The following PXMP4 variants were observed in gnomAD, a reference collection of about 807,000 sequenced individuals.
PXMP4 encodes the protein 24 kDa peroxisomal intrinsic membrane protein.
Under a neutral mutation model 21.6 loss-of-function variants are expected in PXMP4, and 16 were observed. The ratio of observed to expected loss-of-function variants is 0.74; its 90% confidence interval spans 0.50 to 1.13. PXMP4 has a LOEUF of 1.13. Ranked by LOEUF, PXMP4 falls within the 50% of genes most tolerant of loss-of-function variation. The pLI, the probability that PXMP4 is intolerant of heterozygous loss-of-function variation, is 0.00. For synonymous variants in PXMP4, 127 were observed against 123.8 expected (o/e 1.03, Z -0.17); for missense variants, 240 against 277.7 (o/e 0.86, Z 0.96).
intron 1 of PXMP4, among the ~76,000 whole-genome samples, chr20:33,715,305 T>C (rs1180222153): frequency 6.6e-6 from 1 of 151,910 alleles, no homozygotes; most frequent in Non-Finnish European, 1.5e-5. Context: ...CATGCCAGGC[T>C]AATTTTTGTA....
chr20:33,702,773 A>T lies in PXMP4; in HGVS notation c.*4933T>A, dbSNP rs1417107213. 6.6e-6 allele frequency: 1 copy of T among 151,410 alleles called. No homozygotes were observed. Among genetic ancestry groups the T allele is most frequent in the Admixed American group, 6.6e-5 (1 of 15,214 alleles). 9.4% of individuals were successfully genotyped at this position (151,410 alleles called of 1,614,324 possible). A position where few individuals can be genotyped will look rare whatever the true frequency, so the allele number is the denominator to read the frequency against. On this transcript the variant is annotated 3_prime_UTR_variant, in exon 4 of 4. Transcript: ENST00000409299. The stretch of plus-strand genomic sequence containing the variant: ...CACATATATATTTATTTATTTATTT[A>T]TTTATTTTAGTCTTACATGTCAAAA...
intron 1 of PXMP4, among the ~76,000 whole-genome samples, chr20:33,719,597 T>C (rs1468255263): frequency 6.6e-6 from 1 of 152,168 alleles, no homozygotes; most frequent in Non-Finnish European, 1.5e-5. Context: ...CATTGTCACG[T>C]CCCAGGAGCC....
Position 33,707,467 on chromosome 20 carries a change from C to A in PXMP4, c.*239G>T. On this transcript the variant is annotated 3_prime_UTR_variant, in exon 4 of 4. Transcript: ENST00000409299. Reference sequence around the variant, plus strand: ...AGTAGTGTGGCTGGCCCCAGTCTCACAGAAGTCAGCTGCACAGCTGGAACC... The same window carrying A: ...AGTAGTGTGGCTGGCCCCAGTCTCAAAGAAGTCAGCTGCACAGCTGGAACC... 1 of 540,006 alleles carries A rather than the reference C, an allele frequency of 1.9e-6. No individual in the cohort carries two copies. The highest frequency in any genetic ancestry group is 2.2e-5 in the South Asian group (1 of 44,854). The allele number at this position is 540,006 out of a possible 1,614,324, so 33.5% of individuals were successfully genotyped here.
At chr20:33,711,443 C>T (rs1003631422) in intron 2 of PXMP4, among the ~76,000 whole-genome samples, 1 of 152,064 alleles carries the variant, frequency 6.6e-6, no homozygotes, top group African/African-American at 2.4e-5. Context: ...GAGAAGCCAC[C>T]GTGGCCATGG....
intron 3 of PXMP4, among the ~76,000 whole-genome samples, chr20:33,710,016 C>T (rs967299524): frequency 1.4e-5 from 2 of 145,932 alleles, no homozygotes; most frequent in African/African-American, 2.6e-5. Flanking sequence ...CTGACCCACA[C>T]CCCTTCCCCC....
At position 33,710,646 on chromosome 20, in the gene PXMP4, A is replaced by G; in HGVS notation, c.284T>C (p.Ile95Thr). The change falls in exon 3 of 4, where the codon ATA becomes ACA. Residue 95 changes from isoleucine to threonine, a missense_variant. By Grantham distance (89) the Ile-to-Thr change is moderately conservative. Coordinates refer to ENST00000409299, the MANE Select transcript of PXMP4 (RefSeq NM_007238.5). ...YKGLRALQSY[I>T]QGKTYPAHAF... ...GTGTGCTGGGTAGGTCTTGCCTTGT[A>G]TGTAGGACTGCAGGGCACGGAGACC... 6.2e-7 allele frequency: 1 copy of G among 1,613,934 alleles called. No individual in the cohort carries two copies. The highest frequency in any genetic ancestry group is 8.5e-7 in the Non-Finnish European group (1 of 1,179,950).
intron 1 of PXMP4, among the ~76,000 whole-genome samples, chr20:33,718,754 T>G (rs1410340441): frequency 2.6e-5 from 4 of 152,114 alleles, no homozygotes; most frequent in African/African-American, 9.7e-5. Context: ...CTACAGCCTT[T>G]TCATCTGGAA....
chr20:33,717,729 C>A (rs957414284), intron 1 of PXMP4, among the ~76,000 whole-genome samples: 1 of 151,826 alleles, frequency 6.6e-6, no homozygotes, highest in Admixed American at 6.6e-5. Flanking sequence ...CCTCTTCCCC[C>A]ACCCTTCCTT....
rs1388780017 is a variant in PXMP4, at chr20:33,720,240, A to C, written c.-33T>G. 1.2e-5 allele frequency: 19 copies of C among 1,574,002 alleles called. No homozygotes were observed. Among genetic ancestry groups the C allele is most frequent in the Non-Finnish European group, 1.6e-5 (18 of 1,156,298 alleles). On this transcript the variant is annotated 5_prime_UTR_variant, in exon 1 of 4. Transcript: ENST00000409299. The stretch of plus-strand genomic sequence containing the variant: ...GCTGCGCGCAGGGTCGGGGTTAGGA[A>C]CTGTAAGCGCACTGACAGCCGGAGG...
At chr20:33,708,214 GCT>G (rs1449635712) in intron 3 of PXMP4, among the ~76,000 whole-genome samples, 3 of 149,614 alleles carry the variant, frequency 2.0e-5, no homozygotes, top group African/African-American at 7.4e-5. Context: ...ACAGAATCTG[GCT>G]CTGTCGGCTA....
chr20:33,716,611 A>C (rs1256652903), intron 1 of PXMP4, among the ~76,000 whole-genome samples: 2 of 152,212 alleles, frequency 1.3e-5, no homozygotes, highest in Admixed American at 6.5e-5. Context: ...TTCCTGTGCT[A>C]GACTGTGGGC....
Position 33,705,586 on chromosome 20 carries a change from G to A in PXMP4, c.*2120C>T, listed in dbSNP as rs575590472. 2 of 147,424 alleles carry A rather than the reference G, an allele frequency of 1.4e-5. No homozygotes were observed. Among genetic ancestry groups the A allele is most frequent in the African/African-American group, 4.9e-5 (2 of 40,408 alleles). The allele number at this position is 147,424 out of a possible 1,614,324, so 9.1% of individuals were successfully genotyped here. Reference sequence around the variant, plus strand: ...CGCCACTGCACTCCAGCCTGGGCGAGAGAGCAAGACTCTGTCTCAAAAAAA... The same window carrying A: ...CGCCACTGCACTCCAGCCTGGGCGAAAGAGCAAGACTCTGTCTCAAAAAAA... On this transcript the variant is annotated 3_prime_UTR_variant, in exon 4 of 4. Coordinates refer to ENST00000409299, the MANE Select transcript of PXMP4 (RefSeq NM_007238.5).
Position 33,710,714 on chromosome 20 carries a change from A to G in PXMP4, c.216T>C (p.Tyr72=), listed in dbSNP as rs778541312. Residue 72 remains tyrosine, a synonymous_variant, in exon 3 of 4, where the codon TAT becomes TAC. Transcript: ENST00000409299. ...ACCGTGCCAGGTTCCAGGAGTGGATATATGTGGCCTGCAGTATGGCCCACA... is the reference window on the plus strand; with the variant it reads ...ACCGTGCCAGGTTCCAGGAGTGGATGTATGTGGCCTGCAGTATGGCCCACA... ...EKLWAILQAT[Y]IHSWNLARFV... 2.5e-6 allele frequency: 4 copies of G among 1,613,454 alleles called. No homozygotes were observed. The South Asian group carries it at 4.4e-5, about 18-fold the overall frequency.
Position 33,711,160 on chromosome 20 carries a change from CAT to C in PXMP4, c.177-409_177-408del, listed in dbSNP as rs533658693. Among the ~76,000 whole-genome samples the C allele has an allele frequency of 4.3e-3, 659 of 152,260 alleles. 7 individuals are homozygous for C. Among genetic ancestry groups the C allele is most frequent in the African/African-American group, 0.015 (619 of 41,536 alleles). Reference sequence around the variant, plus strand: ...CTTAATAAATGTTTTTTTGAGTAAACATGTGAAGGAGTGAGTGTCTGCCATGT... The same window carrying C: ...CTTAATAAATGTTTTTTTGAGTAAACGTGAAGGAGTGAGTGTCTGCCATGT... On this transcript the variant is annotated intron_variant, in intron 2 of 3. Coordinates refer to ENST00000409299, the MANE Select transcript of PXMP4 (RefSeq NM_007238.5).
chr20:33,710,185 A>T (rs1323836829), intron 3 of PXMP4, among the ~76,000 whole-genome samples: 1 of 91,156 alleles, frequency 1.1e-5, no homozygotes, highest in Non-Finnish European at 2.2e-5. Context: ...ACCTCTATAC[A>T]GAACCACACC....
intron 3 of PXMP4, among the ~76,000 whole-genome samples, chr20:33,708,979 C>T (rs562168724): frequency 1.6e-4 from 25 of 152,308 alleles, no homozygotes; most frequent in Non-Finnish European, 3.4e-4. Context: ...AGGCTGCCAA[C>T]TTTTCAGGTT....
intron 2 of PXMP4, 50 bp downstream of exon 2, chr20:33,714,624 C>T: frequency 6.4e-7 from 1 of 1,565,340 alleles, no homozygotes; most frequent in South Asian, 1.1e-5. Flanking sequence ...TTACGACTGT[C>T]CTGGCACTGA....
At chr20:33,712,114 G>A (rs1473471607) in intron 2 of PXMP4, among the ~76,000 whole-genome samples, 1 of 152,178 alleles carries the variant, frequency 6.6e-6, no homozygotes, top group Non-Finnish European at 1.5e-5. Flanking sequence ...ATGAGTGAGA[G>A]GGTCCACGGG....
Position 33,720,240 on chromosome 20 carries a change from AC to A in PXMP4, c.-34del, listed in dbSNP as rs1568923710. On this transcript the variant is annotated 5_prime_UTR_variant, in exon 1 of 4. Transcript: ENST00000409299. ...GCTGCGCGCAGGGTCGGGGTTAGGA[AC>A]TGTAAGCGCACTGACAGCCGGAGGT... 5.1e-6 allele frequency: 8 copies of A among 1,574,122 alleles called. No individual in the cohort carries two copies. The highest frequency in any genetic ancestry group is 6.9e-6 in the Non-Finnish European group (8 of 1,156,292).
Sources: gnomAD v4.1 joint callset for allele counts (sites outside exome capture counted in the v4.1 genomes callset) on GRCh38, gnomAD v4.1.1 for gene constraint, MANE v1.5 for transcripts, NCBI Gene and HGNC (gene_info 2026-07-23, HGNC 2026-07-21) for gene names.